EDA: variants seen among roughly 807,000 people sequenced by gnomAD.
EDA encodes ectodysplasin A, also known as ectodysplasin-A.
Under a neutral mutation model 23.6 loss-of-function variants are expected in EDA, and 2 were observed. The ratio of observed to expected loss-of-function variants is 0.08; its 90% confidence interval spans 0.03 to 0.27. EDA has a LOEUF of 0.27. EDA is among the 10% of genes least tolerant of loss of function. The probability of loss-of-function intolerance (pLI) is 1.00; values close to 1 mark genes in which losing one functional copy is unlikely to be tolerated. For missense variants in EDA, 229 were observed against 324.2 expected, an observed-to-expected ratio of 0.71 and a Z score of 2.26; for synonymous variants, 131 against 132.0, an observed-to-expected ratio of 0.99 and a Z score of 0.05.
chrX:69,961,020 A>G (rs1374311304), intron 2 of EDA, among the ~76,000 whole-genome samples: 1 of 89,312 alleles, frequency 1.1e-5, no homozygotes, highest in African/African-American at 4.1e-5. Flanking sequence ...CTCCATCCAA[A>G]AAAAGAAAAA....
At chrX:69,681,397 G>T (rs1342335732) in intron 1 of EDA, among the ~76,000 whole-genome samples, 1 of 110,721 alleles carries the variant, frequency 9.0e-6, no homozygotes, top group African/African-American at 3.3e-5. Context: ...AGTTCTCCTG[G>T]ATAATATCCT....
At chrX:69,708,873 T>C (rs992179832) in intron 1 of EDA, among the ~76,000 whole-genome samples, 2 of 111,475 alleles carry the variant, frequency 1.8e-5, no homozygotes, top group Non-Finnish European at 3.8e-5. Flanking sequence ...GTCTCACTTA[T>C]GTGGTCAAGA....
intron 1 of EDA, among the ~76,000 whole-genome samples, chrX:69,821,687 A>T (rs2016228244): frequency 1.8e-5 from 2 of 112,143 alleles, no homozygotes; most frequent in South Asian, 7.5e-4. Context: ...AAGAATACAG[A>T]TGTAAGTCAG....
intron 4 of EDA, 143 bp from the exon 5 acceptor site, chrX:70,029,361 C>G (rs2020167594): frequency 1.4e-6 from 1 of 702,023 alleles, no homozygotes; most frequent in Admixed American, 2.5e-5. Context: ...CACTCTGACT[C>G]TTCCTCCAGC....
At chrX:70,008,706 T>C (rs1385798218) in intron 2 of EDA, among the ~76,000 whole-genome samples, 2 of 111,029 alleles carry the variant, frequency 1.8e-5, no homozygotes, top group Admixed American at 1.9e-4. Flanking sequence ...TTTTATATAA[T>C]TTCAACTTTT....
At chrX:69,704,322 G>A (rs763328742) in intron 1 of EDA, among the ~76,000 whole-genome samples, 1 of 111,868 alleles carries the variant, frequency 8.9e-6, no homozygotes, top group Non-Finnish European at 1.9e-5. Context: ...AGAATGTCTG[G>A]GTTAAGATAA....
chrX:69,664,421 C>G (rs1245435649), intron 1 of EDA, among the ~76,000 whole-genome samples: 2 of 111,651 alleles, frequency 1.8e-5, no homozygotes, highest in Non-Finnish European at 3.8e-5. Context: ...TCTTGCTTGC[C>G]CTTTGCCTTC....
At chrX:70,025,133 T>G (rs1411203850) in intron 3 of EDA, among the ~76,000 whole-genome samples, 1 of 111,120 alleles carries the variant, frequency 9.0e-6, no homozygotes, top group Non-Finnish European at 1.9e-5. Flanking sequence ...AGCAGGAGTT[T>G]TTTTTTTTCT....
chrX:69,744,781 C>T (rs747607535), intron 1 of EDA, among the ~76,000 whole-genome samples: 1 of 111,792 alleles, frequency 8.9e-6, no homozygotes, highest in African/African-American at 3.3e-5. Context: ...ACTTCTCATT[C>T]GATCCTTATA....
intron 1 of EDA, among the ~76,000 whole-genome samples, chrX:69,717,514 C>G (rs1380264798): frequency 2.0e-5 from 2 of 97,837 alleles, no homozygotes; most frequent in African/African-American, 7.1e-5. Context: ...AATCTCATGT[C>G]AAATTGTTTT....
intron 1 of EDA, among the ~76,000 whole-genome samples, chrX:69,789,849 C>A (rs1026664192): frequency 8.9e-6 from 1 of 111,954 alleles, no homozygotes; most frequent in Non-Finnish European, 1.9e-5. Flanking sequence ...TGGCTGATGG[C>A]AAATCTTTTC....
chrX:70,020,537 C>T (rs186606585), intron 2 of EDA, among the ~76,000 whole-genome samples: 1,110 of 102,433 alleles, frequency 0.011, 21 homozygotes, highest in African/African-American at 0.036. Flanking sequence ...CCAGCCTGCG[C>T]GACAGAGCGA....
At chrX:69,977,772 T>C (rs985992377) in intron 2 of EDA, among the ~76,000 whole-genome samples, 1 of 111,968 alleles carries the variant, frequency 8.9e-6, no homozygotes, top group African/African-American at 3.2e-5. Context: ...AACAGTATAT[T>C]AGACAGATCA....
intron 1 of EDA, among the ~76,000 whole-genome samples, chrX:69,816,717 A>G (rs1402010056): frequency 4.5e-5 from 5 of 111,102 alleles, no homozygotes; most frequent in Non-Finnish European, 7.6e-5. Flanking sequence ...GATGGAACCT[A>G]TGACTGATTG....
chrX:69,788,330 A>G (rs1303659040), intron 1 of EDA, among the ~76,000 whole-genome samples: 1 of 112,499 alleles, frequency 8.9e-6, no homozygotes, highest in African/African-American at 3.2e-5. Flanking sequence ...TTCCATTGCT[A>G]GTGAGGAACT....
intron 1 of EDA, among the ~76,000 whole-genome samples, chrX:69,635,340 G>A (rs2147223334): frequency 9.0e-6 from 1 of 111,311 alleles, no homozygotes; most frequent in African/African-American, 3.3e-5. Flanking sequence ...CATATCTGCT[G>A]AGCTCCAGTA....
intron 1 of EDA, among the ~76,000 whole-genome samples, chrX:69,651,573 A>G (rs763656965): frequency 8.1e-5 from 9 of 111,243 alleles, no homozygotes; most frequent in South Asian, 3.8e-4. Context: ...GCTTCTGAGA[A>G]GTTTAATAAA....
intron 2 of EDA, among the ~76,000 whole-genome samples, chrX:69,999,196 G>A (rs368426377): frequency 2.3e-3 from 258 of 112,021 alleles, no homozygotes; most frequent in African/African-American, 7.6e-3. Context: ...AACTGAGGTC[G>A]TGTATGAGTT....
intron 1 of EDA, among the ~76,000 whole-genome samples, chrX:69,880,690 A>T (rs2017731553): frequency 8.9e-6 from 1 of 112,330 alleles, no homozygotes; most frequent in Non-Finnish European, 1.9e-5. Flanking sequence ...TTGGGCAGAA[A>T]TAGCTATATT....
Sources: allele counts gnomAD v4.1 joint callset (sites outside exome capture counted in the v4.1 genomes callset), GRCh38; gene constraint gnomAD v4.1.1; transcripts MANE v1.5; gene names NCBI Gene and HGNC (gene_info 2026-07-23, HGNC 2026-07-21).